COL4A1: variants seen among roughly 807,000 people sequenced by gnomAD.
COL4A1 encodes collagen alpha-1(IV) chain.
Under a neutral mutation model 216.6 loss-of-function variants are expected in COL4A1, and 40 were observed. That is an observed-to-expected ratio of 0.18 (90% confidence interval 0.14 to 0.24). COL4A1 has a LOEUF of 0.24. Ranked by LOEUF, COL4A1 falls within the 10% of genes least tolerant of loss-of-function variation. The pLI is 1.00. For missense variants in COL4A1, 1,628 were observed against 2,196.8 expected (o/e 0.74, Z 5.18); for synonymous variants, 839 against 810.7 (o/e 1.03, Z -0.59).
At chr13:110,158,940 G>A (rs1192197) in intron 49 of COL4A1, among the ~76,000 whole-genome samples, 43,066 of 151,778 alleles carry the variant, frequency 0.28, 6,884 homozygotes, top group East Asian at 0.44. Flanking sequence ...ATGGGATTTC[G>A]CCATGCTGGC....
At chr13:110,258,006 G>A (rs1023639369) in intron 1 of COL4A1, among the ~76,000 whole-genome samples, 2 of 152,048 alleles carry the variant, frequency 1.3e-5, no homozygotes, top group East Asian at 1.9e-4. Flanking sequence ...AATAGCCCTC[G>A]TTTCTTTCTT....
Position 110,211,561 on chromosome 13 carries a change from G to A in COL4A1, c.468+86C>T. 7.5e-7 allele frequency: 1 copy of A among 1,338,856 alleles called. No homozygotes were observed. The allele number at this position is 1,338,856 out of a possible 1,614,324, so 82.9% of individuals were successfully genotyped here. ...CAGAAACAATCGATCAGCCAAAGTG[G>A]TTTAAAGAGAATGTGCTTCTATGGC... On this transcript the variant is annotated intron_variant, in intron 8 of 51. Coordinates refer to ENST00000375820, the MANE Select transcript of COL4A1 (RefSeq NM_001845.6). This position sits in a 1 kb window ranked among gnomAD's most constrained non-coding sequence, Gnocchi z 4.3.
At chr13:110,251,783 C>T (rs940114804) in intron 1 of COL4A1, among the ~76,000 whole-genome samples, 2 of 152,210 alleles carry the variant, frequency 1.3e-5, no homozygotes, top group African/African-American at 4.8e-5. Flanking sequence ...CTGAGGCAGA[C>T]AGGAGTTTAA....
intron 2 of COL4A1, among the ~76,000 whole-genome samples, chr13:110,230,455 G>A (rs9521656): frequency 6.6e-6 from 1 of 152,266 alleles, no homozygotes; most frequent in South Asian, 2.1e-4. Flanking sequence ...CCTGAACAGA[G>A]AGAAAGGAAA....
intron 1 of COL4A1, among the ~76,000 whole-genome samples, chr13:110,248,290 G>A (rs1881921026): frequency 6.6e-6 from 1 of 152,200 alleles, no homozygotes; most frequent in Non-Finnish European, 1.5e-5. Context: ...AGCAAGCGCG[G>A]GCCCCACACG....
chr13:110,204,474 G>A (rs1280520480), intron 17 of COL4A1, among the ~76,000 whole-genome samples: 1 of 152,006 alleles, frequency 6.6e-6, no homozygotes, highest in Non-Finnish European at 1.5e-5. Flanking sequence ...TAAATTAACC[G>A]TAGGCTACTG....
intron 28 of COL4A1, among the ~76,000 whole-genome samples, chr13:110,182,090 C>T (rs956904832): frequency 6.6e-6 from 1 of 152,182 alleles, no homozygotes; most frequent in Non-Finnish European, 1.5e-5. Context: ...GTGAAGGAGG[C>T]ACTGTGTGAG....
At chr13:110,180,713 T>C (rs9521633) in intron 29 of COL4A1, among the ~76,000 whole-genome samples, 49,960 of 152,206 alleles carry the variant, frequency 0.33, 8,423 homozygotes, top group South Asian at 0.37. Flanking sequence ...CTTCACCCTG[T>C]ACCAACAGTT....
chr13:110,249,277 C>T (rs1881973911), intron 1 of COL4A1, among the ~76,000 whole-genome samples: 1 of 151,918 alleles, frequency 6.6e-6, no homozygotes, highest in South Asian at 2.1e-4. Flanking sequence ...GTGTATACGT[C>T]GGTAAAAACT....
At chr13:110,187,392 G>A in intron 24 of COL4A1, 63 bp from the exon 25 acceptor site, 2 of 1,575,454 alleles carry the variant, frequency 1.3e-6, no homozygotes, top group Non-Finnish European at 8.7e-7. Context: ...CAGTGTGACT[G>A]TAACACAAGC....
chr13:110,170,738 C>A lies in COL4A1; in HGVS notation c.3557-6G>T, dbSNP rs1226083708. 4.3e-6 allele frequency: 7 copies of A among 1,614,028 alleles called. No homozygotes were observed. Among genetic ancestry groups the A allele is most frequent in the Non-Finnish European group, 5.1e-6 (6 of 1,180,016 alleles). ...ACCCACCTCACCCTTTGAACCTGAA[C>A]AAGAAAAACAGTTTGAGGTGATGGG... On this transcript the variant is annotated splice_region_variant and splice_polypyrimidine_tract_variant and intron_variant, in intron 41 of 51. Transcript: ENST00000375820.
intron 11 of COL4A1, 65 bp downstream of exon 11, chr13:110,209,327 G>T: frequency 7.1e-7 from 1 of 1,412,578 alleles, no homozygotes; most frequent in Non-Finnish European, 1.0e-6. Context: ...AGAAGAGTGA[G>T]CTATAGCAAT....
chr13:110,176,523 TAAAG>T lies in COL4A1; in HGVS notation c.2969-14_2969-11del. Reference sequence around the variant, plus strand: ...GGATCACCTTTAGGTCCTAGAACCATAAAGAAAGCAGTCTGACAGGTTGACATCT... The same window carrying T: ...GGATCACCTTTAGGTCCTAGAACCATAAAGCAGTCTGACAGGTTGACATCT... On this transcript the variant is annotated splice_polypyrimidine_tract_variant and intron_variant, in intron 35 of 51. Transcript: ENST00000375820. 6.2e-7 allele frequency: 1 copy of T among 1,610,712 alleles called. No homozygotes were observed. The highest frequency in any genetic ancestry group is 8.5e-7 in the Non-Finnish European group (1 of 1,176,886).
chr13:110,294,863 G>T (rs568099234), intron 1 of COL4A1, among the ~76,000 whole-genome samples: 12 of 152,328 alleles, frequency 7.9e-5, no homozygotes, highest in African/African-American at 2.9e-4. Flanking sequence ...CTAGAATAGT[G>T]CCTGGCACAT....
At chr13:110,203,417 G>A in intron 18 of COL4A1, 149 bp downstream of exon 18, 1 of 795,922 alleles carries the variant, frequency 1.3e-6, no homozygotes. Context: ...AGCTGTGGGT[G>A]TGTGCCCTGC....
Position 110,211,677 on chromosome 13 carries a change from A to G in COL4A1, c.442-4T>C. 1.2e-6 allele frequency: 2 copies of G among 1,611,190 alleles called. No homozygotes were observed. Among genetic ancestry groups the G allele is most frequent in the South Asian group, 1.1e-5 (1 of 90,068 alleles). The stretch of plus-strand genomic sequence containing the variant: ...TCCCTGGTAAGCCTGGTGGTCCCTA[A>G]AAAAGAAAGTTTTGGTGTTAGTTTT... On this transcript the variant is annotated splice_region_variant and splice_polypyrimidine_tract_variant and intron_variant, in intron 7 of 51. Transcript: ENST00000375820. The surrounding 1 kb of genome is among the most constrained non-coding windows in gnomAD (Gnocchi z 4.3).
chr13:110,226,570 C>T (rs946189598), intron 2 of COL4A1, among the ~76,000 whole-genome samples: 1 of 152,204 alleles, frequency 6.6e-6, no homozygotes, highest in Non-Finnish European at 1.5e-5. Flanking sequence ...CCCAGATATA[C>T]AATTGCCAGG....
intron 1 of COL4A1, among the ~76,000 whole-genome samples, chr13:110,303,215 T>G (rs982779978): frequency 9.2e-5 from 14 of 152,170 alleles, no homozygotes; most frequent in Non-Finnish European, 2.1e-4. Context: ...CAAGTAAGGG[T>G]AGGTTTTCTG....
chr13:110,270,926 G>A (rs1883224432), intron 1 of COL4A1, among the ~76,000 whole-genome samples: 1 of 152,194 alleles, frequency 6.6e-6, no homozygotes, highest in South Asian at 2.1e-4. Flanking sequence ...AGAGAACAAA[G>A]TGAGCCTGGA....
Sources: allele counts gnomAD v4.1 joint callset (sites outside exome capture counted in the v4.1 genomes callset), GRCh38; gene constraint gnomAD v4.1.1; non-coding constraint Gnocchi (gnomAD v3.1); transcripts MANE v1.5; gene names NCBI Gene and HGNC (gene_info 2026-07-23, HGNC 2026-07-21).